LARS1: variants seen among roughly 807,000 people sequenced by gnomAD.
The protein encoded by LARS1 is leucine--tRNA ligase, cytoplasmic.
LARS1 carries 100 observed loss-of-function variants against 162.8 expected under a neutral mutation model. The observed-to-expected ratio is 0.61, with a 90% confidence interval of 0.52 to 0.73. The LOEUF is 0.73. LARS1 is among the 30% of genes least tolerant of loss of function. The probability of loss-of-function intolerance (pLI) is 0.00; values close to 1 mark genes in which losing one functional copy is unlikely to be tolerated. For synonymous variants in LARS1, 457 were observed against 462.8 expected (o/e 0.99, Z 0.16); for missense variants, 1,258 against 1,408.9 (o/e 0.89, Z 1.71).
Position 146,135,658 on chromosome 5 carries a change from T to C in LARS1, c.2155A>G (p.Lys719Glu), listed in dbSNP as rs752557833. 3.8e-6 allele frequency: 6 copies of C among 1,595,494 alleles called. No homozygotes were observed. Among genetic ancestry groups the C allele is most frequent in the African/African-American group, 1.4e-5 (1 of 74,010 alleles). Reference protein sequence around the residue: ...HLLLNSEKMSKSTGNFLTLTQ... With the variant: ...HLLLNSEKMSESTGNFLTLTQ... ...AAAGTGAGGAAGTTGCCTGTGGATT[T>C]TGACATCTGAAATAGAGAGTCAGTG... Residue 719 changes from lysine to glutamate, a missense_variant, in exon 22 of 32, where the codon AAA (lysine) becomes GAA (glutamate). Coordinates refer to ENST00000394434, the MANE Select transcript of LARS1 (RefSeq NM_020117.11).
chr5:146,125,033 T>C (rs187871206), intron 28 of LARS1, among the ~76,000 whole-genome samples: 39 of 143,648 alleles, frequency 2.7e-4, no homozygotes, highest in African/African-American at 8.3e-4. Context: ...ACACACTCTA[T>C]ATATATATAC....
At chr5:146,114,547 A>G (rs1311725694) in intron 31 of LARS1, among the ~76,000 whole-genome samples, 1 of 152,022 alleles carries the variant, frequency 6.6e-6, no homozygotes, top group African/African-American at 2.4e-5. Context: ...TAGCCTGACC[A>G]ACATGGCAAA....
At chr5:146,134,090 C>T (rs1752407775) in intron 22 of LARS1, among the ~76,000 whole-genome samples, 1 of 152,140 alleles carries the variant, frequency 6.6e-6, no homozygotes, top group Admixed American at 6.5e-5. Context: ...GTAAACTGCC[C>T]ACCTCAGCCT....
At position 146,123,999 on chromosome 5, in the gene LARS1, G is replaced by A. The variant is rs1017639400; in HGVS notation, c.3079C>T (p.Leu1027=). ...KAVLMENIVY[L]TNSLELEHIE... ...CCTCTTACCTCAAGCGAATTAGTCA[G>A]ATAGACTATATTCTCCATAAGCACA... Residue 1027 remains leucine (L), a synonymous_variant, in exon 29 of 32, where the codon CTG becomes TTG. Transcript: ENST00000394434. 6.2e-7 allele frequency: 1 copy of A among 1,601,264 alleles called. No individual in the cohort carries two copies. The highest frequency in any genetic ancestry group is 8.5e-7 in the Non-Finnish European group (1 of 1,169,764).
At chr5:146,149,272 A>G (rs1032080949) in intron 15 of LARS1, among the ~76,000 whole-genome samples, 2 of 152,170 alleles carry the variant, frequency 1.3e-5, no homozygotes, top group Non-Finnish European at 2.9e-5. Context: ...TAACTCAGCT[A>G]AATAGAAGAG....
Position 146,182,548 on chromosome 5 carries a change from A to C in LARS1, c.-55T>G. The stretch of plus-strand genomic sequence containing the variant: ...CGACAATGACCCTGGCGACCTCCAC[A>C]AAGGAGTGGTTACCTTTCCCCTCCC... On this transcript the variant is annotated 5_prime_UTR_variant, in exon 1 of 32. Coordinates refer to ENST00000394434, the MANE Select transcript of LARS1 (RefSeq NM_020117.11). 6.2e-7 allele frequency: 1 copy of C among 1,613,356 alleles called. No individual in the cohort carries two copies. Among genetic ancestry groups the C allele is most frequent in the Non-Finnish European group, 8.5e-7 (1 of 1,179,552 alleles).
rs200281338 is a variant in LARS1 at position 146,168,159 on chromosome 5, A to G, written c.401T>C (p.Ile134Thr). The change falls in exon 5 of 32, where the codon ATA becomes ACA. Residue 134 changes from isoleucine (I) to threonine (T), a missense_variant. Physicochemically the swap from Ile to Thr is moderately conservative, Grantham distance 89. Coordinates refer to ENST00000394434, the MANE Select transcript of LARS1 (RefSeq NM_020117.11). ...EEETSVKTED[I>T]IIKDKAKGKK... Reference sequence around the variant, plus strand: ...TCCTTTAGCTTTATCCTTAATTATTATATCTTCTGTTTTAACACTGGTTTC... The same window carrying G: ...TCCTTTAGCTTTATCCTTAATTATTGTATCTTCTGTTTTAACACTGGTTTC... 11 of 1,609,030 alleles carry G rather than the reference A, an allele frequency of 6.8e-6. No individual in the cohort carries two copies. The highest frequency in any genetic ancestry group is 2.2e-5 in the South Asian group (2 of 90,712).
chr5:146,158,302 T>C (rs1029102317), intron 8 of LARS1, among the ~76,000 whole-genome samples: 1 of 152,214 alleles, frequency 6.6e-6, no homozygotes, highest in Non-Finnish European at 1.5e-5. Flanking sequence ...TACTGAAATC[T>C]AGGATATTGC....
Position 146,163,559 on chromosome 5 carries a change from G to A in LARS1, c.594+751C>T, listed in dbSNP as rs113935212. Among the ~76,000 whole-genome samples the A allele has an allele frequency of 1.5e-4, 23 of 152,116 alleles. 1 individual carries two copies. Among genetic ancestry groups the A allele is most frequent in the African/African-American group, 5.5e-4 (23 of 41,496 alleles). On this transcript the variant is annotated intron_variant, in intron 6 of 31. Transcript: ENST00000394434. The stretch of plus-strand genomic sequence containing the variant: ...AAATTAGCCAGGCGTGTTGGCAGAC[G>A]CCTGTAATCCCAGCTACTCGGGAGG...
intron 15 of LARS1, among the ~76,000 whole-genome samples, chr5:146,147,092 T>G (rs1753044657): frequency 6.6e-6 from 1 of 152,082 alleles, no homozygotes; most frequent in African/African-American, 2.4e-5. Flanking sequence ...CTAAAAAAAC[T>G]TAACAACCGG....
At chr5:146,157,836 GACTTGCCTTAAACCT>G in intron 8 of LARS1, 41 bp from the exon 9 acceptor site, 6 of 1,579,762 alleles carry the variant, frequency 3.8e-6, no homozygotes, top group Non-Finnish European at 5.2e-6. Context: ...GGAAAAAAAA[GACTTGCCTTAAACCT>G]ACTAATCTAT....
chr5:146,153,028 G>C, intron 13 of LARS1, 146 bp downstream of exon 13: 1 of 557,892 alleles, frequency 1.8e-6, no homozygotes, highest in Admixed American at 3.5e-5. Context: ...ACCATAGCAG[G>C]TATCAAATTA....
intron 4 of LARS1, 56 bp from the exon 5 acceptor site, chr5:146,168,321 T>A: frequency 2.0e-6 from 3 of 1,533,906 alleles, no homozygotes; most frequent in Non-Finnish European, 2.6e-6. Flanking sequence ...ACAATTTCAG[T>A]TTTTTACTGT....
At chr5:146,125,575 C>T (rs1752008258) in intron 28 of LARS1, among the ~76,000 whole-genome samples, 1 of 151,904 alleles carries the variant, frequency 6.6e-6, no homozygotes, top group Admixed American at 6.6e-5. Flanking sequence ...CACAGCACTC[C>T]TAAAAAGTTT....
At chr5:146,140,314 C>A (rs1174182357) in intron 20 of LARS1, 53 bp from the exon 21 acceptor site, 6 of 1,474,834 alleles carry the variant, frequency 4.1e-6, no homozygotes, top group Non-Finnish European at 4.7e-6. Flanking sequence ...GATGATAGTT[C>A]TGGCTTAAAA....
chr5:146,164,101 A>G (rs1227367159), intron 6 of LARS1, among the ~76,000 whole-genome samples: 1 of 151,676 alleles, frequency 6.6e-6, no homozygotes, highest in African/African-American at 2.4e-5. Context: ...ATAATAATAA[A>G]GTTTGAAATA....
At chr5:146,134,583 T>C (rs544932902) in intron 22 of LARS1, among the ~76,000 whole-genome samples, 5 of 152,262 alleles carry the variant, frequency 3.3e-5, no homozygotes, top group South Asian at 2.1e-4. Context: ...TAAAATGTAA[T>C]AGGACTGAGG....
In LARS1 at chr5:146,114,079, C is replaced by G. The variant is rs1288993646; in HGVS notation, c.*27G>C. 1.2e-5 allele frequency: 18 copies of G among 1,563,440 alleles called. No individual in the cohort carries two copies. Among genetic ancestry groups the G allele is most frequent in the Non-Finnish European group, 1.5e-5 (17 of 1,135,508 alleles). ...CAGAGTAGTAGTATTCCTAAGAAAC[C>G]AGGATAAATCTCCAATGTGCATGAG... On this transcript the variant is annotated 3_prime_UTR_variant, in exon 32 of 32. Transcript: ENST00000394434.
chr5:146,137,102 C>G (rs571316923), intron 21 of LARS1, among the ~76,000 whole-genome samples: 1 of 151,900 alleles, frequency 6.6e-6, no homozygotes, highest in East Asian at 1.9e-4. Flanking sequence ...TTCACCACAT[C>G]GGCCAGGCTG....
Sources: gnomAD v4.1 joint callset for allele counts (sites outside exome capture counted in the v4.1 genomes callset) on GRCh38, gnomAD v4.1.1 for gene constraint, MANE v1.5 for transcripts, NCBI Gene and HGNC (gene_info 2026-07-23, HGNC 2026-07-21) for gene names.